DNAH11: variants seen among roughly 807,000 people sequenced by gnomAD.
The protein encoded by DNAH11 is dynein axonemal heavy chain 11.
Under a neutral mutation model 526.0 loss-of-function variants are expected in DNAH11, and 442 were observed. The ratio of observed to expected loss-of-function variants is 0.84; its 90% CI spans 0.78 to 0.91. The LOEUF (loss-of-function observed/expected upper bound fraction) is 0.91, where lower values mean the gene tolerates loss of function less well. Among genes scored for constraint, DNAH11 ranks in the 40% least tolerant of loss-of-function variants. The pLI is 0.00. For synonymous variants in DNAH11, 2,461 were observed against 1,935.9 expected (o/e 1.27, Z -7.12); for missense variants, 6,989 against 5,448.7 (o/e 1.28, Z -8.90).
At chr7:21,749,566 C>A (rs889334576) in intron 52 of DNAH11, 112 bp from the exon 53 acceptor site, 1 of 1,401,528 alleles carries the variant, frequency 7.1e-7, no homozygotes, top group Non-Finnish European at 9.6e-7. Context: ...GGGAAAGGCA[C>A]CCCACAGTGC....
chr7:21,647,845 A>G (rs922869848), intron 28 of DNAH11, among the ~76,000 whole-genome samples: 4 of 152,220 alleles, frequency 2.6e-5, no homozygotes, highest in Admixed American at 6.5e-5. Context: ...AAGATGTTTT[A>G]ACACATTCAA....
chr7:21,552,147 G>C (rs1583474586), intron 2 of DNAH11, among the ~76,000 whole-genome samples: 1 of 152,130 alleles, frequency 6.6e-6, no homozygotes, highest in African/African-American at 2.4e-5. Flanking sequence ...GCCGCGCCCT[G>C]GTCCATTGTC....
intron 68 of DNAH11, among the ~76,000 whole-genome samples, chr7:21,855,263 C>T (rs1782798709): frequency 6.6e-6 from 1 of 151,994 alleles, no homozygotes; most frequent in Non-Finnish European, 1.5e-5. Flanking sequence ...TATCTCCTGA[C>T]CTCGTGATCT....
chr7:21,620,105 AT>A (rs1785973911), intron 25 of DNAH11, 27 bp downstream of exon 25: 2 of 1,495,134 alleles, frequency 1.3e-6, no homozygotes, highest in African/African-American at 1.4e-5. Flanking sequence ...TATTGCATAT[AT>A]TTTTCATTTT....
intron 75 of DNAH11, among the ~76,000 whole-genome samples, chr7:21,883,202 G>A (rs898364348): frequency 1.6e-4 from 25 of 152,150 alleles, no homozygotes; most frequent in Non-Finnish European, 3.2e-4. Context: ...GTCACATCAC[G>A]CAACAAGCGA....
At chr7:21,547,139 G>A (rs1238720743) in intron 2 of DNAH11, among the ~76,000 whole-genome samples, 1 of 152,136 alleles carries the variant, frequency 6.6e-6, no homozygotes, top group African/African-American at 2.4e-5. Context: ...AAAATTTATT[G>A]TAATTAATAA....
At position 21,637,720 on chromosome 7, in the gene DNAH11, T is replaced by C. The variant is rs1786935428; in HGVS notation, c.4817+18T>C. 4 of 1,435,502 alleles carry C rather than the reference T, an allele frequency of 2.8e-6. No individual in the cohort carries two copies. The allele number at this position is 1,435,502 out of a possible 1,614,324, so 88.9% of individuals were successfully genotyped here. A position where few individuals can be genotyped will look rare whatever the true frequency, so the allele number is the denominator to read the frequency against. ...CAGTCCAGGTAAGAATAAAGCTATA[T>C]AAGATAATCAATTTACTGTAATTTT... On this transcript the variant is annotated intron_variant, in intron 27 of 81. Transcript: ENST00000409508.
chr7:21,849,161 G>T (rs1276625628), intron 66 of DNAH11, among the ~76,000 whole-genome samples: 1 of 152,006 alleles, frequency 6.6e-6, no homozygotes, highest in Non-Finnish European at 1.5e-5. Flanking sequence ...CTGGGATTAC[G>T]GGCATGAGCC....
chr7:21,894,127 G>A (rs890459789), intron 77 of DNAH11, among the ~76,000 whole-genome samples: 27 of 152,278 alleles, frequency 1.8e-4, no homozygotes, highest in Non-Finnish European at 1.5e-4. Flanking sequence ...GACTTCAAGC[G>A]ATCTGCCCAT....
At chr7:21,634,720 A>G (rs1246299630) in intron 25 of DNAH11, among the ~76,000 whole-genome samples, 2 of 152,118 alleles carry the variant, frequency 1.3e-5, no homozygotes, top group Non-Finnish European at 2.9e-5. Context: ...TACTATGCCC[A>G]TTACCTGGGT....
chr7:21,857,585 A>C (rs7810215), intron 68 of DNAH11, among the ~76,000 whole-genome samples: 1 of 151,888 alleles, frequency 6.6e-6, no homozygotes, highest in African/African-American at 2.4e-5. Context: ...TTAAGACTTA[A>C]ATCTACACGA....
At chr7:21,884,448 C>G in intron 76 of DNAH11, 38 bp downstream of exon 76, 1 of 1,569,434 alleles carries the variant, frequency 6.4e-7, no homozygotes, top group Non-Finnish European at 8.7e-7. Context: ...ATAAATTTCA[C>G]TGAGCAAAAA....
intron 46 of DNAH11, among the ~76,000 whole-genome samples, chr7:21,736,525 G>T (rs1376223666): frequency 6.6e-6 from 1 of 152,192 alleles, no homozygotes; most frequent in African/African-American, 2.4e-5. Flanking sequence ...CTTGAATGTG[G>T]GCTCCTGGGG....
intron 73 of DNAH11, among the ~76,000 whole-genome samples, chr7:21,871,431 C>T (rs141552863): frequency 1.6e-3 from 240 of 152,310 alleles, no homozygotes; most frequent in African/African-American, 5.3e-3. Flanking sequence ...CCAAAGTGTG[C>T]CTGTGCTCCA....
intron 34 of DNAH11, among the ~76,000 whole-genome samples, chr7:21,690,550 C>A (rs1237246012): frequency 6.6e-6 from 1 of 152,114 alleles, no homozygotes; most frequent in Non-Finnish European, 1.5e-5. Flanking sequence ...AAGAATACTT[C>A]CCATTTTTAT....
chr7:21,662,519 T>A (rs545835158), intron 30 of DNAH11, among the ~76,000 whole-genome samples: 2 of 152,172 alleles, frequency 1.3e-5, no homozygotes, highest in South Asian at 2.1e-4. Flanking sequence ...TGTATATTTA[T>A]GTGTACACAT....
rs72658842 is a variant in DNAH11, at chr7:21,901,447, C to G, written c.*193C>G. ...ACTCAGGGCTGAGCGTGGTGGCACA[C>G]GACTGTAATCCCAGTTACTCAGGAG... On this transcript the variant is annotated 3_prime_UTR_variant, in exon 82 of 82. Coordinates refer to ENST00000409508, the MANE Select transcript of DNAH11 (RefSeq NM_001277115.2). 4.6e-6 allele frequency: 3 copies of G among 658,578 alleles called. No homozygotes were observed. Among genetic ancestry groups the G allele is most frequent in the East Asian group, 4.0e-5 (1 of 25,206 alleles). 40.8% of individuals were successfully genotyped at this position (658,578 alleles called of 1,614,324 possible).
Position 21,617,550 on chromosome 7 carries a change from G to T in DNAH11, c.4096-69G>T, listed in dbSNP as rs541708563. 3.9e-5 allele frequency: 60 copies of T among 1,543,670 alleles called. No individual in the cohort carries two copies. The South Asian group carries it at 6.8e-4, about 18-fold the overall frequency. On this transcript the variant is annotated intron_variant, in intron 22 of 81. Coordinates refer to ENST00000409508, the MANE Select transcript of DNAH11 (RefSeq NM_001277115.2). ...CAGGAGTTGGGAAATATATGTCAAA[G>T]GAGGCAAATTATTAATATATACTGT...
In DNAH11 at chr7:21,637,717, A is replaced by G. The variant is rs1411925317; in HGVS notation, c.4817+15A>G. On this transcript the variant is annotated intron_variant, in intron 27 of 81. Coordinates refer to ENST00000409508, the MANE Select transcript of DNAH11 (RefSeq NM_001277115.2). ...TTACAGTCCAGGTAAGAATAAAGCTATATAAGATAATCAATTTACTGTAAT... is the reference window on the plus strand; with the variant it reads ...TTACAGTCCAGGTAAGAATAAAGCTGTATAAGATAATCAATTTACTGTAAT... 9 of 1,436,940 alleles carry G rather than the reference A, an allele frequency of 6.3e-6. No individual in the cohort carries two copies. In the African/African-American group the frequency reaches 8.6e-5, roughly 14 times the overall value. The allele number at this position is 1,436,940 out of a possible 1,614,324, so 89.0% of individuals were successfully genotyped here. A position where few individuals can be genotyped will look rare whatever the true frequency, so the allele number is the denominator to read the frequency against.
Sources: gnomAD v4.1 joint callset for allele counts (sites outside exome capture counted in the v4.1 genomes callset) on GRCh38, gnomAD v4.1.1 for gene constraint, MANE v1.5 for transcripts, NCBI Gene and HGNC (gene_info 2026-07-23, HGNC 2026-07-21) for gene names.